The following NF1 variants were observed in gnomAD, a reference collection of about 807,000 sequenced individuals.
The protein encoded by NF1 is neurofibromin.
Under a neutral mutation model 325.7 loss-of-function variants are expected in NF1, and 122 were observed. The observed-to-expected ratio is 0.37, with a 90% CI of 0.32 to 0.44. The LOEUF (loss-of-function observed/expected upper bound fraction) is 0.44. Ranked by LOEUF, NF1 falls within the 20% of genes least tolerant of loss-of-function variation. The pLI, the probability that NF1 is intolerant of heterozygous loss-of-function variation, is 1.00. For synonymous variants in NF1, 1,091 were observed against 1,186.0 expected (o/e 0.92, Z 1.65); for missense variants, 2,140 against 3,415.4 (o/e 0.63, Z 9.31).
intron 1 of NF1, among the ~76,000 whole-genome samples, chr17:31,134,561 A>G (rs554654115): frequency 4.6e-5 from 7 of 152,344 alleles, no homozygotes; most frequent in African/African-American, 1.7e-4. Flanking sequence ...TCTGAAATCC[A>G]TTAGTGGCTG....
At chr17:31,160,898 A>G (rs1444946461) in intron 3 of NF1, among the ~76,000 whole-genome samples, 2 of 152,222 alleles carry the variant, frequency 1.3e-5, no homozygotes, top group East Asian at 1.9e-4. Context: ...CATAAAATGT[A>G]TATTATCTTG....
intron 1 of NF1, among the ~76,000 whole-genome samples, chr17:31,140,847 C>A (rs1293849505): frequency 6.6e-6 from 1 of 151,972 alleles, no homozygotes; most frequent in Non-Finnish European, 1.5e-5. Flanking sequence ...ATAGACCACG[C>A]ACAAAAAGAA....
intron 1 of NF1, among the ~76,000 whole-genome samples, chr17:31,143,303 A>G (rs184767806): frequency 7.9e-5 from 12 of 152,066 alleles, no homozygotes; most frequent in East Asian, 3.9e-4. Flanking sequence ...GTCTTGTTCT[A>G]TCACCCAAGC....
chr17:31,243,180 C>CTG (rs1162406311), intron 29 of NF1, among the ~76,000 whole-genome samples: 10 of 73,260 alleles, frequency 1.4e-4, no homozygotes, highest in African/African-American at 5.0e-4. Flanking sequence ...GTCTCTCTCT[C>CTG]TGTCTGTGTG....
chr17:31,307,985 T>A (rs1326851061), intron 36 of NF1: 5 of 1,194,560 alleles, frequency 4.2e-6, no homozygotes, highest in Non-Finnish European at 5.5e-6. Context: ...AAAAGATATG[T>A]GATTTTTTTC....
At position 31,327,657 on chromosome 17, in the gene NF1, G is replaced by GCTCACCT; in HGVS notation, c.5428_5434dup (p.Phe1812SerfsTer9). 1 of 1,614,046 alleles carries GCTCACCT rather than the reference G, an allele frequency of 6.2e-7. No individual in the cohort carries two copies. On this transcript the variant is annotated frameshift_variant, in exon 38 of 58. Transcript: ENST00000358273. LOFTEE classifies it high-confidence loss of function. ...TAACCATTGCAAACCAGGGCACGCCGCTCACCTTCATGCACCAGGAGTGTG... is the reference window on the plus strand; with the variant it reads ...TAACCATTGCAAACCAGGGCACGCCGCTCACCTCTCACCTTCATGCACCAGGAGTGTG...
chr17:31,260,613 C>A, intron 34 of NF1, 98 bp downstream of exon 34: 2 of 1,351,100 alleles, frequency 1.5e-6, no homozygotes, highest in African/African-American at 1.4e-5. Context: ...TTTGCATCTT[C>A]TTGGACTAAG....
intron 1 of NF1, among the ~76,000 whole-genome samples, chr17:31,152,399 C>A (rs1917007615): frequency 1.3e-5 from 2 of 150,498 alleles, no homozygotes; most frequent in African/African-American, 4.9e-5. Context: ...CCACTTTATT[C>A]CATTGGTTTG....
chr17:31,323,187 C>A lies in NF1; in HGVS notation c.4836-2633C>A, dbSNP rs537349099. On this transcript the variant is annotated intron_variant, in intron 36 of 57. Coordinates refer to ENST00000358273, the MANE Select transcript of NF1 (RefSeq NM_001042492.3). ...TGAGGCGGGAGGATTACTTGAGCCA[C>A]AGAAATTCGAGACCAGCCTGGGCAG... 2.0e-5 allele frequency among the ~76,000 whole-genome samples: 3 copies of A among 152,084 alleles called. No individual in the cohort carries two copies. The East Asian group carries it at 5.8e-4, about 29-fold the overall frequency.
intron 35 of NF1, among the ~76,000 whole-genome samples, chr17:31,263,918 G>A (rs1353631652): frequency 1.3e-5 from 2 of 152,022 alleles, no homozygotes; most frequent in African/African-American, 4.8e-5. Context: ...TTGGTGAATA[G>A]TCTCCCAGTC....
At chr17:31,291,246 A>G (rs934391447) in intron 36 of NF1, among the ~76,000 whole-genome samples, 2 of 152,102 alleles carry the variant, frequency 1.3e-5, no homozygotes, top group African/African-American at 4.8e-5. Flanking sequence ...CTGACTAAAT[A>G]TTTGTTGAGT....
intron 46 of NF1, 38 bp downstream of exon 46, chr17:31,338,843 G>A (rs764827080): frequency 1.6e-6 from 2 of 1,278,856 alleles, no homozygotes; most frequent in Non-Finnish European, 2.3e-6. Context: ...TTCATTTTGG[G>A]TATCAGTGTT....
chr17:31,287,286 AT>A (rs566869029), intron 36 of NF1, among the ~76,000 whole-genome samples: 4 of 152,352 alleles, frequency 2.6e-5, no homozygotes, highest in Admixed American at 6.5e-5. Context: ...AAGTGCTTTA[AT>A]ATACATGTTT....
At chr17:31,340,847 C>CAAAAAAAAAAAAAAAA in intron 47 of NF1, among the ~76,000 whole-genome samples, 1 of 62,576 alleles carries the variant, frequency 1.6e-5, no homozygotes, top group Non-Finnish European at 3.6e-5. Flanking sequence ...ATAAAAATAG[C>CAAAAAAAAAAAAAAAA]AAAAAAAAAA....
intron 36 of NF1, among the ~76,000 whole-genome samples, chr17:31,315,025 A>G (rs1461178766): frequency 4.6e-5 from 7 of 152,104 alleles, no homozygotes; most frequent in African/African-American, 1.7e-4. Flanking sequence ...GTATCATTGT[A>G]GTTTTGATTT....
chr17:31,195,969 A>G (rs1241150690), intron 8 of NF1, among the ~76,000 whole-genome samples: 1 of 152,132 alleles, frequency 6.6e-6, no homozygotes, highest in South Asian at 2.1e-4. Context: ...TTTCTGGATC[A>G]TATGGTTATT....
At chr17:31,354,817 G>A (rs1447312254) in intron 51 of NF1, among the ~76,000 whole-genome samples, 1 of 151,902 alleles carries the variant, frequency 6.6e-6, no homozygotes, top group East Asian at 1.9e-4. Context: ...GTCAGACCCT[G>A]TCTCAAAAAA....
At chr17:31,288,581 G>A (rs1413269025) in intron 36 of NF1, among the ~76,000 whole-genome samples, 2 of 144,904 alleles carry the variant, frequency 1.4e-5, no homozygotes, top group Non-Finnish European at 3.0e-5. Context: ...TTGTCACCCA[G>A]GCTGGAGTGC....
intron 21 of NF1, 124 bp downstream of exon 21, chr17:31,229,589 A>G (rs1421214347): frequency 8.3e-6 from 10 of 1,199,042 alleles, no homozygotes; most frequent in South Asian, 6.6e-5. Context: ...AAAAAATTGC[A>G]GAAAGAAGAG....
Sources: allele counts gnomAD v4.1 joint callset (sites outside exome capture counted in the v4.1 genomes callset), GRCh38; gene constraint gnomAD v4.1.1; transcripts MANE v1.5; gene names NCBI Gene and HGNC (gene_info 2026-07-23, HGNC 2026-07-21).